Variants in SVOP observed in about 807,000 individuals in gnomAD.
The protein encoded by SVOP is synaptic vesicle 2-related protein.
Under a neutral mutation model 69.1 loss-of-function variants are expected in SVOP, and 17 were observed. The ratio of observed to expected loss-of-function variants is 0.25; its 90% CI spans 0.17 to 0.37. The LOEUF (loss-of-function observed/expected upper bound fraction) is 0.37, where lower values mean the gene tolerates loss of function less well. SVOP is among the 10% of genes least tolerant of loss of function. The probability of loss-of-function intolerance (pLI) is 1.00; values close to 1 mark genes in which losing one functional copy is unlikely to be tolerated. For synonymous variants in SVOP, 238 were observed against 238.6 expected, an observed-to-expected ratio of 1.00 and a Z score of 0.02; for missense variants, 435 against 597.5, an observed-to-expected ratio of 0.73 and a Z score of 2.84.
chr12:108,924,802 T>C (rs1218470558), intron 11 of SVOP, among the ~76,000 whole-genome samples: 1 of 152,196 alleles, frequency 6.6e-6, no homozygotes, highest in Non-Finnish European at 1.5e-5. Flanking sequence ...TCTTAACATA[T>C]GTCCCTGAGT....
At chr12:108,989,745 A>G (rs918323225) in intron 1 of SVOP, among the ~76,000 whole-genome samples, 23 of 152,234 alleles carry the variant, frequency 1.5e-4, no homozygotes, top group African/African-American at 5.3e-4. Flanking sequence ...AAGAGCACCA[A>G]CCATATCTGC....
intron 6 of SVOP, among the ~76,000 whole-genome samples, chr12:108,954,327 C>T (rs781053947): frequency 7.9e-5 from 12 of 151,952 alleles, no homozygotes; most frequent in East Asian, 1.9e-4. Flanking sequence ...TGGTAATACA[C>T]GTAAAGCACA....
intron 14 of SVOP, among the ~76,000 whole-genome samples, chr12:108,916,924 T>G (rs974564883): frequency 2.0e-5 from 3 of 152,116 alleles, no homozygotes; most frequent in Admixed American, 2.0e-4. Context: ...TTTTTGTATG[T>G]TTTTTAGGGA....
intron 6 of SVOP, among the ~76,000 whole-genome samples, chr12:108,960,518 C>T (rs985271840): frequency 1.3e-5 from 2 of 151,994 alleles, no homozygotes; most frequent in African/African-American, 4.8e-5. Flanking sequence ...TAGCTAAAAG[C>T]ATGGATATTG....
intron 11 of SVOP, among the ~76,000 whole-genome samples, chr12:108,927,786 G>C (rs1336101181): frequency 1.3e-5 from 2 of 151,858 alleles, no homozygotes; most frequent in Non-Finnish European, 2.9e-5. Context: ...TTATAGAGAT[G>C]GGGTCTTACC....
intron 4 of SVOP, among the ~76,000 whole-genome samples, chr12:108,975,401 A>T (rs2040100912): frequency 6.6e-6 from 1 of 152,144 alleles, no homozygotes; most frequent in African/African-American, 2.4e-5. Flanking sequence ...ACCTCATACC[A>T]CAAGAAAGTA....
rs1302441449 is a variant in SVOP at position 108,982,803 on chromosome 12, CCAT to C, written c.196+795_196+797del. Among the ~76,000 whole-genome samples the C allele has an allele frequency of 6.4e-4, 82 of 128,158 alleles. 1 individual carries two copies. Among genetic ancestry groups the C allele is most frequent in the African/African-American group, 2.1e-3 (69 of 32,306 alleles). 84.1% of individuals were successfully genotyped at this position (128,158 alleles called of 152,430 possible). A position where few individuals can be genotyped will look rare whatever the true frequency, so the allele number is the denominator to read the frequency against. ...ATCATCATCACTATCATCATCATCA[CCAT>C]CATCATCATCACCATCATCATCACT... On this transcript the variant is annotated intron_variant, in intron 2 of 15. Coordinates refer to ENST00000610966, the MANE Select transcript of SVOP (RefSeq NM_018711.5).
chr12:108,932,197 T>G (rs1377416208), intron 11 of SVOP, among the ~76,000 whole-genome samples: 1 of 151,906 alleles, frequency 6.6e-6, no homozygotes. Flanking sequence ...TTAAATTTTT[T>G]GTAGAGACAG....
chr12:108,987,386 A>G (rs533800015), intron 1 of SVOP, among the ~76,000 whole-genome samples: 1 of 152,332 alleles, frequency 6.6e-6, no homozygotes, highest in African/African-American at 2.4e-5. Context: ...GTTATTGTGA[A>G]TAATGCTGTA....
rs1412381006 is a variant in SVOP, at chr12:108,911,461, C to G, written c.*1074G>C. ...CAGTGGCTCCCACCTGTAATCTCAG[C>G]ACTGTGGGAGGCCGAGGCGGGTGGA... On this transcript the variant is annotated 3_prime_UTR_variant, in exon 16 of 16. Coordinates refer to ENST00000610966, the MANE Select transcript of SVOP (RefSeq NM_018711.5). The G allele has an allele frequency of 6.6e-6, 1 of 152,386 alleles. No individual in the cohort carries two copies. The highest frequency in any genetic ancestry group is 1.5e-5 in the Non-Finnish European group (1 of 68,230). The allele number at this position is 152,386 out of a possible 1,614,324, so 9.4% of individuals were successfully genotyped here. A position where few individuals can be genotyped will look rare whatever the true frequency, so the allele number is the denominator to read the frequency against.
At position 108,986,317 on chromosome 12, in the gene SVOP, C is replaced by T. The variant is rs545407525; in HGVS notation, c.36-2556G>A. Reference sequence around the variant, plus strand: ...CAGGCATGGAACCGGGATTCAACCACAGGTTTATCTGGCTTAAAACACTGT... The same window carrying T: ...CAGGCATGGAACCGGGATTCAACCATAGGTTTATCTGGCTTAAAACACTGT... On this transcript the variant is annotated intron_variant, in intron 1 of 15. Transcript: ENST00000610966. Among the ~76,000 whole-genome samples the T allele has an allele frequency of 2.0e-5, 3 of 152,350 alleles. No homozygotes were observed. The South Asian group carries it at 6.2e-4, about 32-fold the overall frequency.
At chr12:109,020,754 A>AACCCCCCCCTC in intron 1 of SVOP, 80 bp downstream of exon 1, 1 of 237,612 alleles carries the variant, frequency 4.2e-6, no homozygotes, top group Admixed American at 6.1e-5. Context: ...GCAGAGATGT[A>AACCCCCCCCTC]CCCCCCCCCA....
At chr12:108,936,756 C>T (rs2039858500) in intron 10 of SVOP, among the ~76,000 whole-genome samples, 1 of 152,200 alleles carries the variant, frequency 6.6e-6, no homozygotes, top group African/African-American at 2.4e-5. Flanking sequence ...GGATTATGGG[C>T]ATGAGCCACC....
Position 108,987,233 on chromosome 12 carries a change from T to C in SVOP, c.36-3472A>G, listed in dbSNP as rs369405067. 5.0e-4 allele frequency among the ~76,000 whole-genome samples: 76 copies of C among 152,346 alleles called. No individual in the cohort carries two copies. In the East Asian group the frequency reaches 6.4e-3, roughly 13 times the overall value. ...TGTGTCTGGCTTATTTCCCTTAGCA[T>C]AATGTCTTCAAGGCTCATCCAATGT... On this transcript the variant is annotated intron_variant, in intron 1 of 15. Transcript: ENST00000610966.
rs1272220523 is a variant in SVOP at position 108,982,957 on chromosome 12, CCAT to C, written c.196+641_196+643del. Among the ~76,000 whole-genome samples the C allele has an allele frequency of 4.9e-3, 732 of 150,298 alleles. 9 individuals are homozygous for C. Among genetic ancestry groups the C allele is most frequent in the African/African-American group, 0.016 (659 of 40,780 alleles). On this transcript the variant is annotated intron_variant, in intron 2 of 15. Coordinates refer to ENST00000610966, the MANE Select transcript of SVOP (RefSeq NM_018711.5). ...ATCATCACCATCACCATCATGATCACCATCATCATCATCATAATCATCACTATC... is the reference window on the plus strand; with the variant it reads ...ATCATCACCATCACCATCATGATCACCATCATCATCATAATCATCACTATC...
chr12:109,009,537 C>G (rs918575348), intron 1 of SVOP, among the ~76,000 whole-genome samples: 1 of 152,142 alleles, frequency 6.6e-6, no homozygotes, highest in East Asian at 1.9e-4. Context: ...CTCAGCCTCC[C>G]GAGTAGCTGG....
At chr12:108,920,594 C>CTTTTTT (rs71079507) in intron 12 of SVOP, among the ~76,000 whole-genome samples, 6 of 121,314 alleles carry the variant, frequency 4.9e-5, no homozygotes, top group Non-Finnish European at 6.6e-5. Flanking sequence ...ATTTTTACAT[C>CTTTTTT]TTTTTTTTTT....
At chr12:108,979,590 T>G (rs1333991192) in intron 2 of SVOP, among the ~76,000 whole-genome samples, 1 of 152,162 alleles carries the variant, frequency 6.6e-6, no homozygotes, top group Non-Finnish European at 1.5e-5. Flanking sequence ...GATGGAAAGA[T>G]GTGCACACTA....
chr12:109,009,579 A>C (rs1326047181), intron 1 of SVOP, among the ~76,000 whole-genome samples: 1 of 151,370 alleles, frequency 6.6e-6, no homozygotes, highest in Non-Finnish European at 1.5e-5. Flanking sequence ...CGCCCAGCTA[A>C]TTTTTGTATT....
Sources: allele counts gnomAD v4.1 joint callset (sites outside exome capture counted in the v4.1 genomes callset), GRCh38; gene constraint gnomAD v4.1.1; transcripts MANE v1.5; gene names NCBI Gene and HGNC (gene_info 2026-07-23, HGNC 2026-07-21).